The following INTS13 variants were observed in gnomAD, a reference collection of about 807,000 sequenced individuals.
INTS13 encodes the protein asunder, spermatogenesis regulator homolog (Drosphila).
Under a neutral mutation model 90.2 loss-of-function variants are expected in INTS13, and 35 were observed. The observed-to-expected ratio is 0.39, with a 90% CI of 0.30 to 0.51. The LOEUF is 0.51. INTS13 is among the 20% of genes least tolerant of loss of function. INTS13 has a pLI of 0.80. For missense variants in INTS13, 601 were observed against 851.2 expected (o/e 0.71, Z 3.66); for synonymous variants, 309 against 277.1 (o/e 1.11, Z -1.14).
chr12:26,931,513 G>A lies in INTS13; in HGVS notation c.301-2608C>T, dbSNP rs1592230443. Among the ~76,000 whole-genome samples, 4 of 152,202 alleles carry A rather than the reference G, an allele frequency of 2.6e-5. No homozygotes were observed. In the South Asian group the frequency reaches 8.3e-4, roughly 32 times the overall value. ...CACCTTGGATGGGATTGTTACCACTGCATAGCACCCGTTAACAAAAAAATT... is the reference window on the plus strand; with the variant it reads ...CACCTTGGATGGGATTGTTACCACTACATAGCACCCGTTAACAAAAAAATT... On this transcript the variant is annotated intron_variant, in intron 3 of 16. Transcript: ENST00000261191.
intron 3 of INTS13, among the ~76,000 whole-genome samples, chr12:26,932,648 C>G (rs1232837683): frequency 1.3e-5 from 2 of 152,188 alleles, no homozygotes; most frequent in East Asian, 1.9e-4. Context: ...TAGCCACTAT[C>G]TATGTGAGGC....
At chr12:26,920,900 A>G (rs1952099539) in intron 8 of INTS13, among the ~76,000 whole-genome samples, 1 of 152,204 alleles carries the variant, frequency 6.6e-6, no homozygotes, top group African/African-American at 2.4e-5. Context: ...AAATGTCACA[A>G]TTGGCTCATG....
At chr12:26,928,061 T>A in intron 5 of INTS13, 144 bp downstream of exon 5, 1 of 502,550 alleles carries the variant, frequency 2.0e-6, no homozygotes, top group East Asian at 3.1e-5. Context: ...GAAAAAAAAG[T>A]TTCTGATCAA....
intron 13 of INTS13, 131 bp from the exon 14 acceptor site, chr12:26,913,818 A>T: frequency 9.0e-7 from 1 of 1,110,726 alleles, no homozygotes; most frequent in Non-Finnish European, 1.3e-6. Flanking sequence ...ATTCTAGGCT[A>T]CAATATATCC....
intron 15 of INTS13, among the ~76,000 whole-genome samples, chr12:26,908,564 C>A (rs1209785050): frequency 6.7e-6 from 1 of 150,286 alleles, no homozygotes. Flanking sequence ...CTGCATCATA[C>A]AAAGAGAGTT....
chr12:26,934,449 C>G (rs1257267655), intron 3 of INTS13, 107 bp downstream of exon 3: 18 of 800,444 alleles, frequency 2.2e-5, no homozygotes, highest in Non-Finnish European at 3.3e-5. Flanking sequence ...GGCATTTTAA[C>G]ACTATATGCA....
chr12:26,914,737 C>T (rs1244488372), intron 11 of INTS13, among the ~76,000 whole-genome samples, 159 bp from the exon 12 acceptor site: 1 of 152,176 alleles, frequency 6.6e-6, no homozygotes, highest in African/African-American at 2.4e-5. Context: ...TTTATCCTTT[C>T]TGAACTTGAA....
At chr12:26,937,996 T>G (rs199622198), upstream of INTS13, 1 of 142,372 alleles carries the variant, frequency 7.0e-6, no homozygotes, top group Non-Finnish European at 1.5e-5. Flanking sequence ...CGCGTGCGCG[T>G]GCACACACAC....
intron 6 of INTS13, 125 bp from the exon 7 acceptor site, chr12:26,924,608 GGAT>G: frequency 9.6e-7 from 1 of 1,042,526 alleles, no homozygotes; most frequent in African/African-American, 1.6e-5. Context: ...TGGAAAAAAA[GGAT>G]CCATAAATTA....
Position 26,928,289 on chromosome 12 carries a change from T to C in INTS13, c.504-4A>G, listed in dbSNP as rs367867381. The C allele has an allele frequency of 6.9e-6, 11 of 1,604,860 alleles. No homozygotes were observed. Among genetic ancestry groups the C allele is most frequent in the African/African-American group, 1.3e-5 (1 of 74,794 alleles). On this transcript the variant is annotated splice_region_variant and splice_polypyrimidine_tract_variant and intron_variant, in intron 4 of 16. Coordinates refer to ENST00000261191, the MANE Select transcript of INTS13 (RefSeq NM_018164.3). ...AAGCATTCGCACATGACTATCACTA[T>C]GGCATAAAAAAGATATAGCAAATTT...
intron 3 of INTS13, 72 bp downstream of exon 3, chr12:26,934,484 A>T: frequency 2.8e-6 from 3 of 1,087,984 alleles, no homozygotes; most frequent in Non-Finnish European, 2.8e-6. Flanking sequence ...TTAAAAAATT[A>T]GTCATTTTTT....
chr12:26,928,753 T>G lies in INTS13; in HGVS notation c.453A>C (p.Ala151=), dbSNP rs1323333175. ...HEARTLLMEN[A]ERVGNRGRII... ...TTCGTCCTCTATTTCCAACACGTTCTGCATTCTCCATGAGTAGAGTACGAG... is the reference window on the plus strand; with the variant it reads ...TTCGTCCTCTATTTCCAACACGTTCGGCATTCTCCATGAGTAGAGTACGAG... Residue 151 remains alanine (A), a synonymous_variant, in exon 4 of 17, where the codon GCA becomes GCC. Transcript: ENST00000261191. 2.5e-6 allele frequency: 4 copies of G among 1,614,062 alleles called. No individual in the cohort carries two copies. Among genetic ancestry groups the G allele is most frequent in the African/African-American group, 1.3e-5 (1 of 74,930 alleles).
rs771043579 is a variant in INTS13, at chr12:26,906,262, G to T, written c.2081+40C>A. On this transcript the variant is annotated intron_variant, in intron 16 of 16. Transcript: ENST00000261191. ...CAATGATTGTTAAGGTACTATACAG[G>T]CAATTGACAAAACCAATTTTGACAA... 2.6e-6 allele frequency: 4 copies of T among 1,559,494 alleles called. No individual in the cohort carries two copies. In the African/African-American group the frequency reaches 4.1e-5, roughly 16 times the overall value.
chr12:26,906,205 G>A, intron 16 of INTS13, 97 bp downstream of exon 16: 10 of 1,169,620 alleles, frequency 8.5e-6, no homozygotes, highest in Non-Finnish European at 1.2e-5. Flanking sequence ...CATAATATTA[G>A]TAATAAAAAA....
intron 15 of INTS13, among the ~76,000 whole-genome samples, chr12:26,909,035 C>T (rs1234262298): frequency 6.6e-6 from 1 of 152,156 alleles, no homozygotes; most frequent in Admixed American, 6.5e-5. Context: ...TTTACACATT[C>T]ATTCAATAAT....
intron 14 of INTS13, 37 bp from the exon 15 acceptor site, chr12:26,911,354 A>C (rs537269369): frequency 1.3e-6 from 2 of 1,563,506 alleles, no homozygotes; most frequent in Non-Finnish European, 1.7e-6. Context: ...TAAAGTTCAA[A>C]TTTTTAGAAG....
chr12:26,932,887 G>T (rs1938273079), intron 3 of INTS13, among the ~76,000 whole-genome samples: 1 of 152,186 alleles, frequency 6.6e-6, no homozygotes, highest in African/African-American at 2.4e-5. Context: ...ATAACATGTA[G>T]ATTTTCTAAT....
In INTS13 at chr12:26,914,575, A is replaced by G; in HGVS notation, c.1252T>C (p.Phe418Leu). 6.2e-7 allele frequency: 1 copy of G among 1,606,924 alleles called. No individual in the cohort carries two copies. Among genetic ancestry groups the G allele is most frequent in the Non-Finnish European group, 8.5e-7 (1 of 1,175,322 alleles). The stretch of plus-strand genomic sequence containing the variant: ...CTGTTTTCCCTCATAAATTCACCAA[A>G]ATCCTAATGATAACCAAATAAGATA... The part of the protein sequence containing the change: ...GRVTDYRITD[F>L]GEFMRENRLT... The change falls in exon 12 of 17, where the codon TTT (phenylalanine) becomes CTT (leucine). Residue 418 changes from phenylalanine to leucine, a missense_variant. Phe to Leu is a conservative substitution (Grantham distance 22, BLOSUM62 0). Coordinates refer to ENST00000261191, the MANE Select transcript of INTS13 (RefSeq NM_018164.3).
chr12:26,915,938 C>T (rs949291871), intron 11 of INTS13, 64 bp downstream of exon 11: 7 of 1,277,910 alleles, frequency 5.5e-6, no homozygotes, highest in African/African-American at 3.0e-5. Context: ...AACGAGCACT[C>T]GATAACTACT....
Sources: gnomAD v4.1 joint callset for allele counts (sites outside exome capture counted in the v4.1 genomes callset) on GRCh38, gnomAD v4.1.1 for gene constraint, MANE v1.5 for transcripts, NCBI Gene and HGNC (gene_info 2026-07-23, HGNC 2026-07-21) for gene names.